LRGUK: variants seen among roughly 807,000 people sequenced by gnomAD.
The protein encoded by LRGUK is leucine-rich repeat and guanylate kinase domain-containing protein.
In LRGUK, 65 loss-of-function variants were observed where a neutral mutation model predicts 76.0. That is an observed-to-expected ratio of 0.85 (90% CI 0.70 to 1.05). The LOEUF is 1.05. Among genes scored for constraint, LRGUK ranks in the 50% least tolerant of loss-of-function variants. The probability of loss-of-function intolerance (pLI) is 0.00; values close to 1 mark genes in which losing one functional copy is unlikely to be tolerated. For synonymous variants in LRGUK, 268 were observed against 265.6 expected (o/e 1.01, Z -0.09); for missense variants, 758 against 732.8 (o/e 1.03, Z -0.40).
chr7:134,146,898 C>A (rs1359592471), intron 4 of LRGUK, among the ~76,000 whole-genome samples: 1 of 152,092 alleles, frequency 6.6e-6, no homozygotes, highest in Admixed American at 6.5e-5. Context: ...ATGTACCCAG[C>A]AAATTATGAA....
chr7:134,132,787 C>G (rs1257641805), intron 1 of LRGUK, among the ~76,000 whole-genome samples: 3 of 152,138 alleles, frequency 2.0e-5, no homozygotes, highest in Non-Finnish European at 4.4e-5. Flanking sequence ...AGAGAAGGCA[C>G]AGTCTTCCTC....
the LRGUK span, among the ~76,000 whole-genome samples, chr7:134,270,708 A>AGTT: frequency 6.6e-6 from 1 of 152,050 alleles, no homozygotes; most frequent in Admixed American, 6.5e-5. Flanking sequence ...TTATTATTGC[A>AGTT]GTTTTGTAAT....
chr7:134,270,219 T>C, the LRGUK span, among the ~76,000 whole-genome samples: 21,760 of 152,122 alleles, frequency 0.14, 3,943 homozygotes, highest in African/African-American at 0.42. Flanking sequence ...TGACTAAATA[T>C]GTTCATTAAG....
chr7:134,232,023 AT>A (rs1299984903), intron 16 of LRGUK, among the ~76,000 whole-genome samples: 2 of 151,324 alleles, frequency 1.3e-5, no homozygotes, highest in African/African-American at 4.9e-5. Context: ...TAGGATATTG[AT>A]TTGATTTTTC....
chr7:134,171,235 C>G lies in LRGUK; in HGVS notation c.940-3321C>G, dbSNP rs185768275. 3.0e-3 allele frequency among the ~76,000 whole-genome samples: 459 copies of G among 151,622 alleles called. 2 individuals are homozygous for G. Among genetic ancestry groups the G allele is most frequent in the Admixed American group, 7.1e-3 (108 of 15,198 alleles). ...TATTTATTCTGTTCCATTGATCTGTCTGTTGATTCTTATTCCAGTATACAC... is the reference window on the plus strand; with the variant it reads ...TATTTATTCTGTTCCATTGATCTGTGTGTTGATTCTTATTCCAGTATACAC... On this transcript the variant is annotated intron_variant, in intron 7 of 15. Transcript: ENST00000645682.
intron 5 of LRGUK, among the ~76,000 whole-genome samples, chr7:134,156,112 A>T (rs758212668): frequency 1.3e-5 from 2 of 152,204 alleles, no homozygotes; most frequent in Admixed American, 6.5e-5. Flanking sequence ...AAAACCTTTT[A>T]CTTTAAAGTG....
At chr7:134,171,610 G>C (rs1051264414) in intron 7 of LRGUK, among the ~76,000 whole-genome samples, 3 of 152,080 alleles carry the variant, frequency 2.0e-5, no homozygotes, top group African/African-American at 7.2e-5. Context: ...GGGGATGGGG[G>C]TGTGGACTAT....
At chr7:134,164,893 T>G (rs972215165) in intron 7 of LRGUK, among the ~76,000 whole-genome samples, 16 of 152,222 alleles carry the variant, frequency 1.1e-4, no homozygotes, top group African/African-American at 3.9e-4. Context: ...TAAGTTGTTT[T>G]GGCAACTTCT....
rs140382796 is a variant in LRGUK, at chr7:134,144,171, C to T, written c.588+1009C>T. 8.9e-4 allele frequency among the ~76,000 whole-genome samples: 135 copies of T among 152,264 alleles called. 1 individual carries two copies. The highest frequency in any genetic ancestry group is 3.2e-3 in the African/African-American group (131 of 41,550). ...GCCTCCTGGGCTCAAGTGATCCTGT[C>T]GCCCAGGCTGGAGTGCAGTGGCGCA... On this transcript the variant is annotated intron_variant, in intron 4 of 15. Coordinates refer to ENST00000645682, the Ensembl canonical transcript of LRGUK.
At chr7:134,155,966 A>G (rs929900642) in intron 5 of LRGUK, among the ~76,000 whole-genome samples, 1 of 152,216 alleles carries the variant, frequency 6.6e-6, no homozygotes, top group African/African-American at 2.4e-5. Context: ...TGAGGAAGAA[A>G]TGGTTTGTCT....
At chr7:134,234,464 C>T (rs1801971346) in intron 16 of LRGUK, among the ~76,000 whole-genome samples, 3 of 152,058 alleles carry the variant, frequency 2.0e-5, no homozygotes, top group African/African-American at 4.8e-5. Context: ...CCTCCAAAGT[C>T]GTCCTTTGAT....
At chr7:134,140,923 A>T (rs1797739441) in intron 3 of LRGUK, among the ~76,000 whole-genome samples, 1 of 152,170 alleles carries the variant, frequency 6.6e-6, no homozygotes, top group Admixed American at 6.5e-5. Context: ...CCCCAGGGTT[A>T]TTTTAAAGCA....
chr7:134,223,124 T>C (rs1423123933), intron 16 of LRGUK, among the ~76,000 whole-genome samples: 1 of 152,188 alleles, frequency 6.6e-6, no homozygotes, highest in African/African-American at 2.4e-5. Flanking sequence ...TTCCTGCATG[T>C]GGTAGCCCTC....
At chr7:134,140,906 C>G (rs1797738619) in intron 3 of LRGUK, among the ~76,000 whole-genome samples, 1 of 152,106 alleles carries the variant, frequency 6.6e-6, no homozygotes, top group Admixed American at 6.6e-5. Context: ...ACCTCCCTGC[C>G]CAGCTTCCCC....
At chr7:134,176,468 C>T (rs1375600810) in intron 8 of LRGUK, among the ~76,000 whole-genome samples, 1 of 152,134 alleles carries the variant, frequency 6.6e-6, no homozygotes, top group East Asian at 1.9e-4. Flanking sequence ...CAAGCTCCGC[C>T]TCCTGGGTTC....
intron 4 of LRGUK, among the ~76,000 whole-genome samples, chr7:134,146,317 G>C (rs188295372): frequency 8.9e-4 from 135 of 152,146 alleles, no homozygotes; most frequent in Non-Finnish European, 1.6e-3. Flanking sequence ...AGAGAGCATA[G>C]TATTAGCGTT....
intron 16 of LRGUK, among the ~76,000 whole-genome samples, chr7:134,229,500 CAT>C (rs1225172174): frequency 6.6e-6 from 1 of 152,016 alleles, no homozygotes; most frequent in East Asian, 1.9e-4. Context: ...AAATGTAAAA[CAT>C]ATTTTCTAGA....
Position 134,172,487 on chromosome 7 carries a change from T to C in LRGUK, c.940-2069T>C, listed in dbSNP as rs1042551500. Among the ~76,000 whole-genome samples, 3 of 152,178 alleles carry C rather than the reference T, an allele frequency of 2.0e-5. No homozygotes were observed. The South Asian group carries it at 6.2e-4, about 32-fold the overall frequency. On this transcript the variant is annotated intron_variant, in intron 7 of 15. Transcript: ENST00000645682. Reference sequence around the variant, plus strand: ...AAAATTAGATACAAGACGATCTCTTTAGTATAAACCCCTTGAAGTGGGAGA... The same window carrying C: ...AAAATTAGATACAAGACGATCTCTTCAGTATAAACCCCTTGAAGTGGGAGA...
At chr7:134,202,585 AC>A (rs1287176834) in intron 15 of LRGUK, among the ~76,000 whole-genome samples, 3 of 152,208 alleles carry the variant, frequency 2.0e-5, no homozygotes, top group Non-Finnish European at 4.4e-5. Flanking sequence ...GGTGGAAGGA[AC>A]CCATAAAATA....
Sources: allele counts gnomAD v4.1 joint callset (sites outside exome capture counted in the v4.1 genomes callset), GRCh38; gene constraint gnomAD v4.1.1; transcripts MANE v1.5; gene names NCBI Gene and HGNC (gene_info 2026-07-23, HGNC 2026-07-21).